ST18: variants seen among roughly 807,000 people sequenced by gnomAD.
ST18 encodes the protein suppression of tumorigenicity 18 protein.
In ST18, 50 loss-of-function variants were observed where a neutral mutation model predicts 110.0. The observed-to-expected ratio is 0.45, with a 90% CI of 0.36 to 0.58. The LOEUF (loss-of-function observed/expected upper bound fraction) is 0.58. ST18 is among the 20% of genes least tolerant of loss of function. ST18 has a pLI of 0.00. For synonymous variants in ST18, 461 were observed against 452.4 expected (o/e 1.02, Z -0.24); for missense variants, 1,306 against 1,280.1 (o/e 1.02, Z -0.31).
chr8:52,397,957 GT>G (rs892900376), intron 2 of ST18, among the ~76,000 whole-genome samples: 60 of 151,070 alleles, frequency 4.0e-4, no homozygotes, highest in Non-Finnish European at 5.3e-4. Context: ...AAATTTTAGA[GT>G]TTTTTTTTCA....
intron 2 of ST18, among the ~76,000 whole-genome samples, chr8:52,295,256 C>T (rs986049983): frequency 7.2e-5 from 11 of 152,258 alleles, no homozygotes; most frequent in Admixed American, 2.6e-4. Context: ...AGTGCTTGAA[C>T]GCTTTATTTA....
chr8:52,370,982 C>G (rs1830075119), intron 2 of ST18, among the ~76,000 whole-genome samples: 1 of 152,138 alleles, frequency 6.6e-6, no homozygotes, highest in Non-Finnish European at 1.5e-5. Flanking sequence ...GCTCTGGAGT[C>G]AGATAAAAGT....
intron 8 of ST18, among the ~76,000 whole-genome samples, chr8:52,191,806 T>C (rs576745969): frequency 1.4e-4 from 22 of 152,056 alleles, no homozygotes; most frequent in Non-Finnish European, 2.8e-4. Flanking sequence ...TGCGGGCCCA[T>C]GGGCAAAGCG....
intron 2 of ST18, among the ~76,000 whole-genome samples, chr8:52,233,460 C>T (rs866907696): frequency 1.3e-5 from 2 of 152,018 alleles, no homozygotes; most frequent in African/African-American, 4.8e-5. Context: ...AAGAAGAATT[C>T]CTAATCCTAC....
At chr8:52,363,362 G>A (rs1022912045) in intron 2 of ST18, among the ~76,000 whole-genome samples, 6 of 152,124 alleles carry the variant, frequency 3.9e-5, no homozygotes, top group African/African-American at 1.4e-4. Flanking sequence ...AGCCCATTTG[G>A]GGGTTATTTA....
intron 2 of ST18, chr8:52,404,759 A>G (rs1412940397): frequency 6.6e-6 from 1 of 152,246 alleles, no homozygotes; most frequent in Non-Finnish European, 1.5e-5. Flanking sequence ...CCAACGCTTT[A>G]GAAAAAGAAA....
rs1367082492 is a variant in ST18 at position 52,163,993 on chromosome 8, C to T, written c.1393G>A (p.Ala465Thr). ...SPQTGQCPDQ[A>T]HRTSLVKQIE... ...ATCGTTAGGGGTTCATACCTGTGGG[C>T]CTGGTCAGGACACTGCCCAGTTTGG... The change falls in exon 13 of 26, where the codon GCC becomes ACC. Residue 465 changes from alanine to threonine, a missense_variant. Coordinates refer to ENST00000689386, the MANE Select transcript of ST18 (RefSeq NM_001352837.2). 4 of 1,612,866 alleles carry T rather than the reference C, an allele frequency of 2.5e-6. No individual in the cohort carries two copies. The Admixed American group carries it at 5.0e-5, about 20-fold the overall frequency.
At chr8:52,249,727 G>A (rs1446305698) in intron 2 of ST18, among the ~76,000 whole-genome samples, 1 of 152,008 alleles carries the variant, frequency 6.6e-6, no homozygotes, top group Admixed American at 6.6e-5. Flanking sequence ...AATATTTCCT[G>A]GTGGTTATTT....
rs544257921 is a variant in ST18 at position 52,251,673 on chromosome 8, T to A, written c.-464-21596A>T. ...ATTTCAGTTTGTGTTTTCACCTATA[T>A]GCATTATGAGCAATGAAGTCTTTAC... On this transcript the variant is annotated intron_variant, in intron 2 of 25. Coordinates refer to ENST00000689386, the MANE Select transcript of ST18 (RefSeq NM_001352837.2). Among the ~76,000 whole-genome samples the A allele has an allele frequency of 2.0e-5, 3 of 152,236 alleles. No individual in the cohort carries two copies. In the East Asian group the frequency reaches 5.8e-4, roughly 29 times the overall value.
At chr8:52,329,271 G>A (rs1188573252) in intron 2 of ST18, among the ~76,000 whole-genome samples, 9 of 144,246 alleles carry the variant, frequency 6.2e-5, no homozygotes, top group Non-Finnish European at 1.4e-4. Context: ...GTCTCCATCT[G>A]TGGAGAAATG....
intron 2 of ST18, among the ~76,000 whole-genome samples, chr8:52,333,199 C>A (rs1383824882): frequency 6.6e-5 from 10 of 151,884 alleles, no homozygotes; most frequent in Admixed American, 3.9e-4. Flanking sequence ...AGAGGAAATT[C>A]TTCAGCTAGG....
At chr8:52,294,817 G>A (rs1488077769) in intron 2 of ST18, among the ~76,000 whole-genome samples, 1 of 152,208 alleles carries the variant, frequency 6.6e-6, no homozygotes, top group Non-Finnish European at 1.5e-5. Flanking sequence ...ATTCTTGGCA[G>A]GGTAGAGCCC....
intron 2 of ST18, among the ~76,000 whole-genome samples, chr8:52,344,058 T>C (rs1816489411): frequency 6.6e-6 from 1 of 152,178 alleles, no homozygotes; most frequent in South Asian, 2.1e-4. Flanking sequence ...AATAGCTGTG[T>C]CATCATTAAT....
chr8:52,192,134 C>A (rs770087660), intron 8 of ST18, among the ~76,000 whole-genome samples: 5 of 152,154 alleles, frequency 3.3e-5, no homozygotes, highest in Non-Finnish European at 7.3e-5. Context: ...ACAGCATAGG[C>A]TCTCACTAAG....
intron 2 of ST18, among the ~76,000 whole-genome samples, chr8:52,271,056 G>A (rs1245708889): frequency 2.0e-5 from 3 of 151,816 alleles, no homozygotes; most frequent in Non-Finnish European, 4.4e-5. Context: ...CCGCCGCCAC[G>A]CCCAGCTAAT....
At chr8:52,371,707 G>A (rs1278931005) in intron 2 of ST18, among the ~76,000 whole-genome samples, 1 of 152,116 alleles carries the variant, frequency 6.6e-6, no homozygotes, top group Non-Finnish European at 1.5e-5. Flanking sequence ...TCCAGTCAAC[G>A]ACAGACTGCA....
chr8:52,361,550 TAA>T (rs1367755623), intron 2 of ST18, among the ~76,000 whole-genome samples: 1 of 152,222 alleles, frequency 6.6e-6, no homozygotes, highest in African/African-American at 2.4e-5. Context: ...GGATGACATT[TAA>T]ATAATTCCTT....
At chr8:52,208,678 T>A (rs149985142) in intron 8 of ST18, among the ~76,000 whole-genome samples, 5,337 of 152,156 alleles carry the variant, frequency 0.035, 172 homozygotes, top group East Asian at 0.1. Flanking sequence ...TACAAAAAAT[T>A]AGCCGGGCGT....
intron 15 of ST18, among the ~76,000 whole-genome samples, chr8:52,155,859 G>A (rs545169528): frequency 1.3e-5 from 2 of 152,118 alleles, no homozygotes; most frequent in Non-Finnish European, 2.9e-5. Flanking sequence ...CAATATATGG[G>A]CATGAAGGCA....
Sources: allele counts gnomAD v4.1 joint callset (sites outside exome capture counted in the v4.1 genomes callset), GRCh38; gene constraint gnomAD v4.1.1; transcripts MANE v1.5; gene names NCBI Gene and HGNC (gene_info 2026-07-23, HGNC 2026-07-21).